CCDC102B: variants seen among roughly 807,000 people sequenced by gnomAD.
CCDC102B encodes coiled-coil domain-containing protein 102B.
CCDC102B carries 75 observed loss-of-function variants against 57.4 expected under a neutral mutation model. The ratio of observed to expected loss-of-function variants is 1.31; its 90% CI spans 1.08 to 1.58. The LOEUF (loss-of-function observed/expected upper bound fraction) is 1.58. Ranked by LOEUF, CCDC102B falls within the 40% of genes most tolerant of loss-of-function variation. The pLI, the probability that CCDC102B is intolerant of heterozygous loss-of-function variation, is 0.00. For synonymous variants in CCDC102B, 206 were observed against 201.9 expected (o/e 1.02, Z -0.17); for missense variants, 636 against 582.6 (o/e 1.09, Z -0.94).
intron 2 of CCDC102B, among the ~76,000 whole-genome samples, chr18:68,788,194 G>T (rs1009867851): frequency 8.3e-4 from 127 of 152,172 alleles, no homozygotes; most frequent in African/African-American, 2.8e-3. Context: ...GTCTGAGAGA[G>T]AGTTTGTTAT....
intron 5 of CCDC102B, among the ~76,000 whole-genome samples, chr18:68,892,689 T>C (rs927540178): frequency 6.6e-6 from 1 of 152,194 alleles, no homozygotes; most frequent in East Asian, 1.9e-4. Flanking sequence ...TATTTTTGTA[T>C]TGATTACAAA....
chr18:68,871,790 GTTGA>G (rs2039249337), intron 4 of CCDC102B, among the ~76,000 whole-genome samples: 1 of 152,138 alleles, frequency 6.6e-6, no homozygotes, highest in Admixed American at 6.6e-5. Context: ...TATATAATAA[GTTGA>G]TTGAGAAGCT....
intron 2 of CCDC102B, among the ~76,000 whole-genome samples, chr18:68,786,342 A>C (rs1481153385): frequency 1.9e-4 from 27 of 142,044 alleles, no homozygotes; most frequent in African/African-American, 4.7e-4. Flanking sequence ...ACTTTAAAGT[A>C]GTTTTTTCCA....
intron 7 of CCDC102B, among the ~76,000 whole-genome samples, chr18:69,014,769 T>C (rs998403083): frequency 1.3e-5 from 2 of 152,058 alleles, no homozygotes; most frequent in South Asian, 2.1e-4. Flanking sequence ...TGAATCTTTC[T>C]ATAAGTGATT....
At chr18:68,731,268 G>C (rs1200151674) in intron 2 of CCDC102B, among the ~76,000 whole-genome samples, 1 of 152,144 alleles carries the variant, frequency 6.6e-6, no homozygotes, top group East Asian at 1.9e-4. Context: ...ACAGAGGTGA[G>C]CCACCACATA....
chr18:68,927,805 G>A (rs2041526172), intron 6 of CCDC102B, among the ~76,000 whole-genome samples: 1 of 151,852 alleles, frequency 6.6e-6, no homozygotes, highest in Admixed American at 6.6e-5. Flanking sequence ...GAGAAAGGAG[G>A]GAGAGCTGCT....
chr18:69,037,925 G>C (rs991964013), intron 7 of CCDC102B, among the ~76,000 whole-genome samples: 73 of 151,882 alleles, frequency 4.8e-4, no homozygotes, highest in Admixed American at 3.9e-4. Context: ...GATTGTAAAA[G>C]CCTTGATCAC....
intron 6 of CCDC102B, among the ~76,000 whole-genome samples, chr18:68,939,255 G>T (rs2049319981): frequency 1.3e-5 from 2 of 151,518 alleles, no homozygotes; most frequent in South Asian, 4.2e-4. Context: ...CAAATGTTTT[G>T]CCTTTCCTTA....
intron 4 of CCDC102B, among the ~76,000 whole-genome samples, chr18:68,862,465 A>T (rs1238774577): frequency 1.3e-5 from 2 of 152,146 alleles, no homozygotes; most frequent in Non-Finnish European, 2.9e-5. Flanking sequence ...ATAGGGATGT[A>T]TTACTTTTCA....
chr18:68,733,477 T>TA, intron 2 of CCDC102B, among the ~76,000 whole-genome samples: 1 of 72,138 alleles, frequency 1.4e-5, no homozygotes, highest in Non-Finnish European at 2.6e-5. Context: ...GTTAGACAAC[T>TA]TTATATATAT....
At chr18:68,858,013 A>T (rs2038559346) in intron 4 of CCDC102B, among the ~76,000 whole-genome samples, 1 of 152,162 alleles carries the variant, frequency 6.6e-6, no homozygotes, top group Admixed American at 6.5e-5. Flanking sequence ...GTTTTGACTT[A>T]ATCTATCTGG....
chr18:69,037,652 GA>G (rs1301058240), intron 7 of CCDC102B, among the ~76,000 whole-genome samples: 1 of 152,022 alleles, frequency 6.6e-6, no homozygotes, highest in Non-Finnish European at 1.5e-5. Flanking sequence ...GCAAAGGCAT[GA>G]GGGAAGAGAA....
intron 1 of CCDC102B, among the ~76,000 whole-genome samples, chr18:68,802,838 A>T (rs1203636383): frequency 6.6e-6 from 1 of 152,188 alleles, no homozygotes. Flanking sequence ...CCATCTGCTG[A>T]TTCTTTTGAA....
At chr18:68,784,715 A>T (rs143893804) in intron 2 of CCDC102B, among the ~76,000 whole-genome samples, 1,588 of 152,312 alleles carry the variant, frequency 0.01, 40 homozygotes, top group Admixed American at 0.058. Context: ...CCTTCAGTAA[A>T]ACATGTGGTC....
chr18:68,936,797 A>G (rs2049252826), intron 6 of CCDC102B, among the ~76,000 whole-genome samples: 1 of 150,688 alleles, frequency 6.6e-6, no homozygotes, highest in African/African-American at 2.4e-5. Flanking sequence ...ATACATACAC[A>G]TATATACATA....
chr18:68,869,086 A>C (rs1444929128), intron 4 of CCDC102B, among the ~76,000 whole-genome samples: 7 of 152,138 alleles, frequency 4.6e-5, no homozygotes, highest in Admixed American at 4.6e-4. Flanking sequence ...GAACACAGAA[A>C]CGAGAAGAAA....
intron 4 of CCDC102B, among the ~76,000 whole-genome samples, chr18:68,853,004 A>T (rs1381962297): frequency 1.3e-5 from 2 of 152,190 alleles, no homozygotes; most frequent in Admixed American, 6.5e-5. Context: ...TCGTAAGATA[A>T]TTGAAACACA....
chr18:68,826,711 A>G (rs1255081571), intron 1 of CCDC102B, among the ~76,000 whole-genome samples: 1 of 152,148 alleles, frequency 6.6e-6, no homozygotes, highest in Non-Finnish European at 1.5e-5. Flanking sequence ...TTTCCATTTT[A>G]CCCAATTATT....
intron 2 of CCDC102B, among the ~76,000 whole-genome samples, chr18:68,752,000 G>A (rs552830135): frequency 2.6e-4 from 40 of 152,260 alleles, no homozygotes; most frequent in African/African-American, 8.7e-4. Context: ...GGTAACTCAC[G>A]CCTATAATCC....
Sources: gnomAD v4.1 joint callset for allele counts (sites outside exome capture counted in the v4.1 genomes callset) on GRCh38, gnomAD v4.1.1 for gene constraint, MANE v1.5 for transcripts, NCBI Gene and HGNC (gene_info 2026-07-23, HGNC 2026-07-21) for gene names.